TENM2: variants seen among roughly 807,000 people sequenced by gnomAD.
The protein encoded by TENM2 is teneurin transmembrane protein 2, also known as teneurin-2.
TENM2 carries 52 observed loss-of-function variants against 245.2 expected under a neutral mutation model. That is an observed-to-expected ratio of 0.21 (90% CI 0.17 to 0.27). The LOEUF is 0.27. TENM2 is among the 10% of genes least tolerant of loss of function. The pLI is 1.00. For missense variants in TENM2, 3,046 were observed against 3,666.8 expected, an observed-to-expected ratio of 0.83 and a Z score of 4.37; for synonymous variants, 1,363 against 1,438.9, an observed-to-expected ratio of 0.95 and a Z score of 1.19.
At chr5:167,634,598 C>T (rs1779076925) in intron 2 of TENM2, among the ~76,000 whole-genome samples, 1 of 151,362 alleles carries the variant, frequency 6.6e-6, no homozygotes, top group Admixed American at 6.6e-5. Flanking sequence ...GATTCATAGT[C>T]CAATGTTCTC....
the TENM2 span, among the ~76,000 whole-genome samples, chr5:167,135,091 T>C: frequency 6.6e-6 from 1 of 152,172 alleles, no homozygotes; most frequent in Non-Finnish European, 1.5e-5. Flanking sequence ...GCTAAAACTG[T>C]TTAGAGGCAC....
intron 24 of TENM2, 112 bp from the exon 27 acceptor site, chr5:168,227,783 G>A (rs11134494): frequency 0.17 from 113,630 of 663,140 alleles, 11,046 homozygotes; most frequent in Admixed American, 0.24. Flanking sequence ...TCGACTAATG[G>A]CTGCAAAGTA....
At chr5:167,547,594 A>G (rs1008172462) in intron 2 of TENM2, among the ~76,000 whole-genome samples, 3 of 152,208 alleles carry the variant, frequency 2.0e-5, no homozygotes, top group Non-Finnish European at 4.4e-5. Context: ...GGAATCCTAT[A>G]ATAGACAGTG....
chr5:167,270,438 A>C, the TENM2 span, among the ~76,000 whole-genome samples: 1 of 152,136 alleles, frequency 6.6e-6, no homozygotes, highest in African/African-American at 2.4e-5. Flanking sequence ...CATCCTCATA[A>C]TGCCTTCAAG....
intron 2 of TENM2, among the ~76,000 whole-genome samples, chr5:167,820,547 C>T (rs952362773): frequency 4.6e-5 from 7 of 152,160 alleles, no homozygotes; most frequent in Non-Finnish European, 7.4e-5. Context: ...GAGGAAGGTG[C>T]CTCACTTGGC....
In TENM2 at chr5:168,244,449, C is replaced by T. The variant is rs1766370158; in HGVS notation, c.5550C>T (p.Asp1850=). Reference sequence around the variant, plus strand: ...ATGGAAGAAATCTCTTGTCCATTGACTATGATCGAAATATTCGGACTGAAA... The same window carrying T: ...ATGGAAGAAATCTCTTGTCCATTGATTATGATCGAAATATTCGGACTGAAA... Residue 1850 remains aspartate, a synonymous_variant, in exon 26 of 29, where the codon GAC becomes GAT. Transcript: ENST00000518659. The surrounding 1 kb of genome is among the most constrained non-coding windows in gnomAD (Gnocchi z 4.9). The T allele has an allele frequency of 1.9e-6, 3 of 1,573,292 alleles. No homozygotes were observed. Among genetic ancestry groups the T allele is most frequent in the Non-Finnish European group, 2.6e-6 (3 of 1,153,098 alleles).
chr5:167,776,719 T>C (rs968455911), intron 2 of TENM2, among the ~76,000 whole-genome samples: 3 of 148,920 alleles, frequency 2.0e-5, no homozygotes, highest in African/African-American at 7.4e-5. Flanking sequence ...ACCTTTCTCT[T>C]TGAGTGTGGG....
intron 2 of TENM2, among the ~76,000 whole-genome samples, chr5:167,389,485 C>A (rs1219708706): frequency 1.3e-5 from 2 of 152,092 alleles, no homozygotes; most frequent in African/African-American, 4.8e-5. Flanking sequence ...TTCCCCATGA[C>A]ATTAAATATT....
the TENM2 span, among the ~76,000 whole-genome samples, chr5:167,267,429 C>A: frequency 6.6e-6 from 1 of 152,148 alleles, no homozygotes; most frequent in Non-Finnish European, 1.5e-5. Flanking sequence ...GCCAGATTCA[C>A]TTTCCAGGCA....
chr5:167,949,107 AC>A (rs1779871784), intron 3 of TENM2, among the ~76,000 whole-genome samples: 1 of 152,194 alleles, frequency 6.6e-6, no homozygotes, highest in Non-Finnish European at 1.5e-5. Context: ...ATACCAAGGC[AC>A]CCGAGTGAAA....
At chr5:168,261,777 C>T (rs894728832) in intron 28 of TENM2, among the ~76,000 whole-genome samples, 1 of 152,084 alleles carries the variant, frequency 6.6e-6, no homozygotes. Context: ...AAAGGGTGAA[C>T]CTCCTTTACC....
At chr5:167,646,101 T>TAC (rs771383657) in intron 2 of TENM2, among the ~76,000 whole-genome samples, 2 of 149,004 alleles carry the variant, frequency 1.3e-5, no homozygotes, top group Non-Finnish European at 3.0e-5. Context: ...CATATATATA[T>TAC]ACACACACAC....
At chr5:167,825,751 G>T (rs6874034) in intron 2 of TENM2, among the ~76,000 whole-genome samples, 2 of 151,934 alleles carry the variant, frequency 1.3e-5, no homozygotes, top group Admixed American at 6.6e-5. Context: ...TTGAGTAAGA[G>T]GGCCGGGCAT....
chr5:167,267,385 G>A, the TENM2 span, among the ~76,000 whole-genome samples: 2 of 152,080 alleles, frequency 1.3e-5, no homozygotes, highest in Non-Finnish European at 2.9e-5. Context: ...CACAAGAGTG[G>A]CCCCTTATTT....
chr5:167,261,511 A>T, the TENM2 span, among the ~76,000 whole-genome samples: 2 of 152,036 alleles, frequency 1.3e-5, no homozygotes, highest in Admixed American at 6.6e-5. Context: ...CATCATCATC[A>T]TCATCTTCTT....
rs1456320328 is a variant in TENM2, at chr5:167,718,624, A to C, written c.503-157362A>C. On this transcript the variant is annotated intron_variant, in intron 2 of 28. Coordinates refer to ENST00000518659, the Ensembl canonical transcript of TENM2. The stretch of plus-strand genomic sequence containing the variant: ...TTAAGTGAGTCTTGATATCTGAATT[A>C]TTTTATCCATTGTATAGTGGAAAGA... Among the ~76,000 whole-genome samples the C allele has an allele frequency of 1.1e-4, 16 of 152,200 alleles. 1 individual carries two copies. The highest frequency in any genetic ancestry group is 2.4e-4 in the Non-Finnish European group (16 of 68,040).
At chr5:167,757,856 G>T (rs1762409929) in intron 2 of TENM2, among the ~76,000 whole-genome samples, 1 of 152,004 alleles carries the variant, frequency 6.6e-6, no homozygotes, top group African/African-American at 2.4e-5. Context: ...CCTTTCTTTT[G>T]CTTCAGAAAG....
the TENM2 span, among the ~76,000 whole-genome samples, chr5:167,277,465 G>A: frequency 2.4e-4 from 36 of 152,032 alleles, no homozygotes; most frequent in African/African-American, 8.5e-4. Flanking sequence ...ATTGTTGTCA[G>A]GGAACATACT....
intron 2 of TENM2, among the ~76,000 whole-genome samples, chr5:167,808,941 G>A (rs1244435259): frequency 6.6e-6 from 1 of 152,138 alleles, no homozygotes; most frequent in Admixed American, 6.6e-5. Flanking sequence ...ATTGTTTTAT[G>A]TATGAATAAG....
Sources: allele counts gnomAD v4.1 joint callset (sites outside exome capture counted in the v4.1 genomes callset), GRCh38; gene constraint gnomAD v4.1.1; non-coding constraint Gnocchi (gnomAD v3.1); transcripts MANE v1.5; gene names NCBI Gene and HGNC (gene_info 2026-07-23, HGNC 2026-07-21).